The following KCNK2 variants were observed in gnomAD, a reference collection of about 807,000 sequenced individuals.
KCNK2 encodes potassium channel subfamily K member 2.
A neutral mutation model predicts 40.5 loss-of-function variants in KCNK2; 21 were observed. The ratio of observed to expected loss-of-function variants is 0.52; its 90% CI spans 0.37 to 0.75. KCNK2 has a LOEUF of 0.75. Ranked by LOEUF, KCNK2 falls within the 30% of genes least tolerant of loss-of-function variation. KCNK2 has a pLI of 0.00. For missense variants in KCNK2, 399 were observed against 531.6 expected (o/e 0.75, Z 2.45); for synonymous variants, 191 against 202.2 (o/e 0.94, Z 0.47).
intron 1 of KCNK2, among the ~76,000 whole-genome samples, chr1:215,008,735 T>G (rs1428797618): frequency 6.6e-6 from 1 of 152,142 alleles, no homozygotes; most frequent in Non-Finnish European, 1.5e-5. Context: ...TCCTCCACTG[T>G]GCTCAATGCT....
At chr1:215,017,567 G>C (rs553487998) in intron 1 of KCNK2, among the ~76,000 whole-genome samples, 1 of 152,210 alleles carries the variant, frequency 6.6e-6, no homozygotes, top group Admixed American at 6.5e-5. Flanking sequence ...AAATAGAATG[G>C]TGGTTACCAG....
chr1:215,106,436 TA>T (rs1304765185), intron 2 of KCNK2, among the ~76,000 whole-genome samples: 31 of 152,164 alleles, frequency 2.0e-4, no homozygotes, highest in Admixed American at 1.2e-3. Context: ...TTAATAGGGA[TA>T]TTTTTTTTTC....
At chr1:215,123,514 CAT>C (rs1030384138) in intron 2 of KCNK2, among the ~76,000 whole-genome samples, 1 of 151,840 alleles carries the variant, frequency 6.6e-6, no homozygotes, top group Non-Finnish European at 1.5e-5. Flanking sequence ...ACAAATCAGA[CAT>C]ATTTCATAAT....
intron 1 of KCNK2, among the ~76,000 whole-genome samples, chr1:215,064,832 T>C (rs1658483460): frequency 6.6e-6 from 1 of 152,200 alleles, no homozygotes; most frequent in African/African-American, 2.4e-5. Context: ...TTACATTCCT[T>C]TGCCATTCCA....
At chr1:215,229,137 C>A (rs1666514435) in intron 6 of KCNK2, among the ~76,000 whole-genome samples, 1 of 150,286 alleles carries the variant, frequency 6.7e-6, no homozygotes, top group East Asian at 1.9e-4. Context: ...TCTTTTTTTT[C>A]TAATGTGGCC....
chr1:215,088,916 A>G (rs1445803040), intron 2 of KCNK2, among the ~76,000 whole-genome samples: 1 of 152,208 alleles, frequency 6.6e-6, no homozygotes, highest in Non-Finnish European at 1.5e-5. Context: ...CAGTGCAGAA[A>G]TTACCTTTTA....
chr1:215,164,350 T>A (rs955737090), intron 3 of KCNK2, among the ~76,000 whole-genome samples: 4 of 152,326 alleles, frequency 2.6e-5, no homozygotes, highest in South Asian at 4.1e-4. Flanking sequence ...ATTTAGTTAA[T>A]CTTTTCAAAC....
chr1:215,156,524 T>TG (rs1307343513), intron 3 of KCNK2, among the ~76,000 whole-genome samples: 5 of 152,080 alleles, frequency 3.3e-5, no homozygotes, highest in African/African-American at 1.2e-4. Flanking sequence ...AGCTGGCTGA[T>TG]GGGGAAAAAG....
chr1:215,123,479 T>C (rs565791732), intron 2 of KCNK2, among the ~76,000 whole-genome samples: 23 of 152,266 alleles, frequency 1.5e-4, no homozygotes, highest in Non-Finnish European at 2.2e-4. Flanking sequence ...CACAGAACTA[T>C]TGATATTTTA....
chr1:215,059,546 C>T lies in KCNK2; in HGVS notation c.35-26822C>T, dbSNP rs1393683351. Among the ~76,000 whole-genome samples, 5 of 152,150 alleles carry T rather than the reference C, an allele frequency of 3.3e-5. No homozygotes were observed. In the East Asian group the frequency reaches 9.6e-4, roughly 29 times the overall value. On this transcript the variant is annotated intron_variant, in intron 1 of 6. Coordinates refer to the KCNK2 transcript ENST00000391895. ...TTCTACTTTCAATGTACACACAGTT[C>T]TCCCAAGTCAGCTCAAGGTATCCAT...
intron 5 of KCNK2, among the ~76,000 whole-genome samples, chr1:215,191,445 A>G (rs1024068634): frequency 3.9e-5 from 6 of 151,932 alleles, no homozygotes; most frequent in African/African-American, 1.5e-4. Context: ...CTTTGTGGAG[A>G]TAATGGTTTC....
chr1:215,026,745 A>T (rs1045275042), intron 1 of KCNK2, among the ~76,000 whole-genome samples: 1 of 151,950 alleles, frequency 6.6e-6, no homozygotes, highest in Non-Finnish European at 1.5e-5. Context: ...ATGAACTTTA[A>T]GTTTTTATGC....
At chr1:215,081,199 A>G (rs1035556466), upstream of KCNK2, among the ~76,000 whole-genome samples, 1 of 140,228 alleles carries the variant, frequency 7.1e-6, no homozygotes, top group African/African-American at 2.6e-5. Flanking sequence ...GTGTGTGTAC[A>G]TATGTTCCAT....
chr1:215,210,551 G>A (rs1665697509), intron 6 of KCNK2, among the ~76,000 whole-genome samples: 1 of 151,962 alleles, frequency 6.6e-6, no homozygotes, highest in Admixed American at 6.6e-5. Flanking sequence ...TTTCATTCCA[G>A]GAGTACTCAT....
intron 3 of KCNK2, among the ~76,000 whole-genome samples, chr1:215,156,468 G>C (rs1558116909): frequency 6.6e-6 from 1 of 152,198 alleles, no homozygotes; most frequent in Non-Finnish European, 1.5e-5. Context: ...GGCACAGACT[G>C]CCTGCAGTCC....
intron 1 of KCNK2, among the ~76,000 whole-genome samples, chr1:215,059,126 C>T (rs554797098): frequency 1.8e-4 from 24 of 136,008 alleles, no homozygotes; most frequent in Non-Finnish European, 2.7e-4. Flanking sequence ...TATATATATT[C>T]GTGTATATAT....
At chr1:215,164,162 G>C (rs12141874) in intron 3 of KCNK2, among the ~76,000 whole-genome samples, 116,976 of 152,078 alleles carry the variant, frequency 0.77, 45,275 homozygotes, top group Non-Finnish European at 0.79. Context: ...GTGTCTGTGT[G>C]CAGGAATTTA....
chr1:215,117,336 C>G (rs963390794), intron 2 of KCNK2, among the ~76,000 whole-genome samples: 1 of 152,054 alleles, frequency 6.6e-6, no homozygotes, highest in Non-Finnish European at 1.5e-5. Context: ...AAGGATTCAA[C>G]AATCACTCTG....
At position 215,083,208 on chromosome 1, in the gene KCNK2, C is replaced by CAA; in HGVS notation, c.-178_-177insAA. 1.8e-6 allele frequency: 2 copies of CAA among 1,135,096 alleles called. No homozygotes were observed. Among genetic ancestry groups the CAA allele is most frequent in the Non-Finnish European group, 2.5e-6 (2 of 803,966 alleles). The allele number at this position is 1,135,096 out of a possible 1,614,324, so 70.3% of individuals were successfully genotyped here. On this transcript the variant is annotated 5_prime_UTR_variant, in exon 1 of 7. Coordinates refer to ENST00000444842, the MANE Select transcript of KCNK2 (RefSeq NM_001017425.3). ...TCTTCTCACGCTCCCCCCCCCGCCCCCTCCCGCGTCCAGCCCCGCTCTCCC... is the reference window on the plus strand; with the variant it reads ...TCTTCTCACGCTCCCCCCCCCGCCCCAACTCCCGCGTCCAGCCCCGCTCTCCC...
Sources: allele counts gnomAD v4.1 joint callset (sites outside exome capture counted in the v4.1 genomes callset), GRCh38; gene constraint gnomAD v4.1.1; transcripts MANE v1.5; gene names NCBI Gene and HGNC (gene_info 2026-07-23, HGNC 2026-07-21).